The following SLC19A2 variants were observed in gnomAD, a reference collection of about 807,000 sequenced individuals.
SLC19A2 encodes thiamine transporter 1.
In SLC19A2, 27 loss-of-function variants were observed where a neutral mutation model predicts 44.7. The observed-to-expected ratio is 0.60, with a 90% CI of 0.45 to 0.83. The LOEUF (loss-of-function observed/expected upper bound fraction) is 0.83, where lower values mean the gene tolerates loss of function less well. SLC19A2 is among the 40% of genes least tolerant of loss of function. The pLI, the probability that SLC19A2 is intolerant of heterozygous loss-of-function variation, is 0.00. For synonymous variants in SLC19A2, 239 were observed against 243.6 expected, an observed-to-expected ratio of 0.98 and a Z score of 0.18; for missense variants, 566 against 613.7, an observed-to-expected ratio of 0.92 and a Z score of 0.82.
chr1:169,477,442 C>A lies in SLC19A2; in HGVS notation c.520G>T (p.Val174Phe). ...ATLVGFTVGS[V>F]LGQILVSVAG... Reference sequence around the variant, plus strand: ...ACTGAGACAAGGATTTGCCCTAGGACAGAGCCCACTGTAAAGCCCACCAAA... The same window carrying A: ...ACTGAGACAAGGATTTGCCCTAGGAAAGAGCCCACTGTAAAGCCCACCAAA... The change falls in exon 2 of 6, where the codon GTC becomes TTC. Residue 174 changes from valine (V) to phenylalanine (F), a missense_variant. Coordinates refer to ENST00000236137, the MANE Select transcript of SLC19A2 (RefSeq NM_006996.3). 6.2e-7 allele frequency: 1 copy of A among 1,614,166 alleles called. No individual in the cohort carries two copies. The highest frequency in any genetic ancestry group is 8.5e-7 in the Non-Finnish European group (1 of 1,180,030).
chr1:169,484,920 T>C (rs1658520094), intron 1 of SLC19A2, among the ~76,000 whole-genome samples: 1 of 152,192 alleles, frequency 6.6e-6, no homozygotes, highest in Admixed American at 6.5e-5. Flanking sequence ...TAAAAGTCAA[T>C]TATGTTTCAC....
intron 5 of SLC19A2, among the ~76,000 whole-genome samples, chr1:169,467,111 A>C (rs1658011758): frequency 6.6e-6 from 1 of 152,178 alleles, no homozygotes; most frequent in Non-Finnish European, 1.5e-5. Context: ...TTCCAATGAC[A>C]GCCATGTTTC....
In SLC19A2 at chr1:169,477,338, T is replaced by G. The variant is rs1366621817; in HGVS notation, c.624A>C (p.Leu208Phe). Residue 208 changes from leucine (L) to phenylalanine (F), a missense_variant, in exon 2 of 6, where the codon TTA becomes TTC. Physicochemically the swap from Leu to Phe is conservative, Grantham distance 22. Coordinates refer to ENST00000236137, the MANE Select transcript of SLC19A2 (RefSeq NM_006996.3). ...AGAAGAGGCTCTTCTGTGGCATAGG[T>G]AAAAACCAGGCCACAGCAAAAGCCA... ...VSVAFAVAWF[L>F]PMPQKSLFFH... 6.2e-6 allele frequency: 10 copies of G among 1,613,894 alleles called. No homozygotes were observed. The highest frequency in any genetic ancestry group is 8.5e-6 in the Non-Finnish European group (10 of 1,179,974).
intron 5 of SLC19A2, among the ~76,000 whole-genome samples, chr1:169,467,547 C>T (rs1240860962): frequency 6.6e-6 from 1 of 152,184 alleles, no homozygotes; most frequent in African/African-American, 2.4e-5. Flanking sequence ...TTAAAACTCA[C>T]AATGCATGAA....
rs760172630 is a variant in SLC19A2, at chr1:169,465,888, C to T, written c.1455G>A (p.Leu485=). Residue 485 remains leucine, a synonymous_variant, in exon 6 of 6, where the codon CTG becomes CTA. Coordinates refer to ENST00000236137, the MANE Select transcript of SLC19A2 (RefSeq NM_006996.3). The part of the protein sequence containing the change: ...AVSVMKKCRK[L]EDPQSSSQVT... The stretch of plus-strand genomic sequence containing the variant: ...CTTGAGAACTTGATTGTGGATCTTC[C>T]AGCTTTCTACATTTCTTCATAACAC... The T allele has an allele frequency of 3.1e-6, 5 of 1,613,888 alleles. No homozygotes were observed. The Middle Eastern group carries it at 8.2e-4, about 265-fold the overall frequency.
intron 1 of SLC19A2, among the ~76,000 whole-genome samples, chr1:169,485,314 T>C (rs147874337): frequency 1.0e-3 from 154 of 152,340 alleles, no homozygotes; most frequent in African/African-American, 3.5e-3. Context: ...ATCAGCATAC[T>C]GCCTGACGCA....
At chr1:169,468,958 G>T in intron 3 of SLC19A2, 122 bp from the exon 4 acceptor site, 1 of 816,564 alleles carries the variant, frequency 1.2e-6, no homozygotes, top group Non-Finnish European at 2.0e-6. Context: ...AATAGCTCAA[G>T]ATTATGGAGG....
At chr1:169,478,482 C>A (rs954133364) in intron 1 of SLC19A2, among the ~76,000 whole-genome samples, 1 of 150,368 alleles carries the variant, frequency 6.7e-6, no homozygotes, top group Non-Finnish European at 1.5e-5. Flanking sequence ...TCAGCCTCCC[C>A]AGTAGCTGGG....
At chr1:169,478,264 C>T (rs972144163) in intron 1 of SLC19A2, among the ~76,000 whole-genome samples, 2 of 152,136 alleles carry the variant, frequency 1.3e-5, no homozygotes, top group African/African-American at 2.4e-5. Flanking sequence ...TTAATCAAGG[C>T]CTAGTTCAAA....
At chr1:169,475,403 TCTATGTTTC>T (rs1453371894) in intron 2 of SLC19A2, among the ~76,000 whole-genome samples, 1 of 152,122 alleles carries the variant, frequency 6.6e-6, no homozygotes, top group African/African-American at 2.4e-5. Context: ...TAAAATGTTT[TCTATGTTTC>T]TTACTTATAT....
intron 3 of SLC19A2, chr1:169,469,076 A>G: frequency 1.9e-6 from 1 of 519,278 alleles, no homozygotes; most frequent in Non-Finnish European, 3.4e-6. Flanking sequence ...AAAATGCAGG[A>G]CAAAGACACA....
rs1200580761 is a variant in SLC19A2 at position 169,464,808 on chromosome 1, T to C, written c.*1041A>G. On this transcript the variant is annotated 3_prime_UTR_variant, in exon 6 of 6. Transcript: ENST00000236137. The stretch of plus-strand genomic sequence containing the variant: ...CACATCTATCCTAGTTCCTGTCCCA[T>C]TGAAATAATTGAAAAGAGGCTCAGT... 1 of 152,594 alleles carries C rather than the reference T, an allele frequency of 6.6e-6. No individual in the cohort carries two copies. Among genetic ancestry groups the C allele is most frequent in the Non-Finnish European group, 1.5e-5 (1 of 68,024 alleles). 9.5% of individuals were successfully genotyped at this position (152,594 alleles called of 1,614,324 possible).
chr1:169,479,881 G>T lies in SLC19A2; in HGVS notation c.205-2124C>A, dbSNP rs142868856. Among the ~76,000 whole-genome samples the T allele has an allele frequency of 5.4e-3, 829 of 152,280 alleles. 2 individuals are homozygous for T. The highest frequency in any genetic ancestry group is 9.5e-3 in the South Asian group (46 of 4,822). ...TCACTCAAGTCTAATATGAGCTAAG[G>T]TTCTAAGGTTTTAGGCAAACAATAA... On this transcript the variant is annotated intron_variant, in intron 1 of 5. Transcript: ENST00000236137.
At position 169,468,691 on chromosome 1, in the gene SLC19A2, G is replaced by A. The variant is rs753390368; in HGVS notation, c.1176C>T (p.Ser392=). The A allele has an allele frequency of 3.7e-6, 6 of 1,613,778 alleles. No individual in the cohort carries two copies. The Middle Eastern group carries it at 5.0e-4, about 133-fold the overall frequency. Reference sequence around the variant, plus strand: ...TGTAGATGATTCTGAAGACAACATAGGATGCATAGCACACCCAAATGTTAC... The same window carrying A: ...TGTAGATGATTCTGAAGACAACATAAGATGCATAGCACACCCAAATGTTAC... ...TVGNIWVCYA[S]YVVFRIIYML... Residue 392 remains serine (S), a synonymous_variant, in exon 4 of 6, where the codon TCC becomes TCT. Coordinates refer to ENST00000236137, the MANE Select transcript of SLC19A2 (RefSeq NM_006996.3).
rs746599921 is a variant in SLC19A2 at position 169,477,365 on chromosome 1, T to C, written c.597A>G (p.Ser199=). ...AAAACCAGGCCACAGCAAAAGCCAC[T>C]GAAACACAGGTAAGAGAGATGACAT... ...SLNVISLTCV[S]VAFAVAWFLP... is the part of the protein sequence containing the mutation. The change falls in exon 2 of 6, where the codon TCA becomes TCG. Residue 199 remains serine (S), a synonymous_variant. Transcript: ENST00000236137. 1 of 1,614,114 alleles carries C rather than the reference T, an allele frequency of 6.2e-7. No individual in the cohort carries two copies. The highest frequency in any genetic ancestry group is 1.7e-5 in the Admixed American group (1 of 60,022).
At position 169,465,950 on chromosome 1, in the gene SLC19A2, G is replaced by A. The variant is rs1657976964; in HGVS notation, c.1393C>T (p.Leu465Phe). The change falls in exon 6 of 6, where the codon CTC becomes TTC. Residue 465 changes from leucine to phenylalanine, a missense_variant. Leu to Phe is a conservative substitution (Grantham distance 22). Coordinates refer to ENST00000236137, the MANE Select transcript of SLC19A2 (RefSeq NM_006996.3). Reference protein sequence around the residue: ...QFLIYASYFALIAVVFLASGA... With the variant: ...QFLIYASYFAFIAVVFLASGA... ...CTGGCCAGGAAAACCACAGCGATGAGTGCAAAATAACTGGCATAGATCAAA... is the reference window on the plus strand; with the variant it reads ...CTGGCCAGGAAAACCACAGCGATGAATGCAAAATAACTGGCATAGATCAAA... 3 of 1,614,078 alleles carry A rather than the reference G, an allele frequency of 1.9e-6. No homozygotes were observed. The highest frequency in any genetic ancestry group is 2.7e-5 in the African/African-American group (2 of 75,030).
At chr1:169,475,519 C>T (rs1022965863) in intron 2 of SLC19A2, among the ~76,000 whole-genome samples, 6 of 152,172 alleles carry the variant, frequency 3.9e-5, no homozygotes, top group Non-Finnish European at 7.4e-5. Context: ...TCTGTATATA[C>T]GTTAATTTTA....
In SLC19A2 at chr1:169,477,329, T is replaced by C. The variant is rs373838257; in HGVS notation, c.633A>G (p.Pro211=). The part of the protein sequence containing the change: ...AFAVAWFLPM[P]QKSLFFHHIP... ...TGTGGTGAAAGAAGAGGCTCTTCTGTGGCATAGGTAAAAACCAGGCCACAG... is the reference window on the plus strand; with the variant it reads ...TGTGGTGAAAGAAGAGGCTCTTCTGCGGCATAGGTAAAAACCAGGCCACAG... Residue 211 remains proline (P), a synonymous_variant, in exon 2 of 6, where the codon CCA becomes CCG. Transcript: ENST00000236137. 51 of 1,614,128 alleles carry C rather than the reference T, an allele frequency of 3.2e-5. No homozygotes were observed. In the South Asian group the frequency reaches 3.2e-4, roughly 10 times the overall value.
intron 3 of SLC19A2, 150 bp downstream of exon 3, chr1:169,469,814 G>A: frequency 1.3e-6 from 1 of 753,002 alleles, no homozygotes; most frequent in Non-Finnish European, 2.3e-6. Context: ...CTTCTAAGTT[G>A]TCCTCCTAAA....
Sources: allele counts gnomAD v4.1 joint callset (sites outside exome capture counted in the v4.1 genomes callset), GRCh38; gene constraint gnomAD v4.1.1; transcripts MANE v1.5; gene names NCBI Gene and HGNC (gene_info 2026-07-23, HGNC 2026-07-21).